The following PITPNC1 variants were observed in gnomAD, a reference collection of about 807,000 sequenced individuals.
PITPNC1 encodes phosphatidylinositol transfer protein cytoplasmic 1, also known as cytoplasmic phosphatidylinositol transfer protein 1.
Under a neutral mutation model 44.7 loss-of-function variants are expected in PITPNC1, and 18 were observed. The ratio of observed to expected loss-of-function variants is 0.40; its 90% CI spans 0.28 to 0.60. The LOEUF (loss-of-function observed/expected upper bound fraction) is 0.60. PITPNC1 is among the 20% of genes least tolerant of loss of function. The pLI, the probability that PITPNC1 is intolerant of heterozygous loss-of-function variation, is 0.39. For synonymous variants in PITPNC1, 141 were observed against 149.6 expected, an observed-to-expected ratio of 0.94 and a Z score of 0.42; for missense variants, 290 against 418.4, an observed-to-expected ratio of 0.69 and a Z score of 2.68.
chr17:67,607,579 G>A (rs373320020), intron 5 of PITPNC1, among the ~76,000 whole-genome samples: 1 of 152,182 alleles, frequency 6.6e-6, no homozygotes, highest in African/African-American at 2.4e-5. Flanking sequence ...TGTAAGAAGA[G>A]TGCAGTGATT....
chr17:67,637,350 G>A lies in PITPNC1; in HGVS notation c.462+5112G>A, dbSNP rs142985744. On this transcript the variant is annotated intron_variant, in intron 6 of 8. Coordinates refer to ENST00000581322, the MANE Select transcript of PITPNC1 (RefSeq NM_012417.4). ...CTTTTCTTCCCATCCATCTTTGTAA[G>A]TTGACGATGTCAGCGTCCTAAATAG... is the stretch of plus-strand genomic sequence containing the variant. Among the ~76,000 whole-genome samples, 601 of 151,946 alleles carry A rather than the reference G, an allele frequency of 4.0e-3. 4 individuals are homozygous for A. The highest frequency in any genetic ancestry group is 0.014 in the African/African-American group (564 of 41,408).
chr17:67,383,331 T>A (rs2037992382), intron 1 of PITPNC1, among the ~76,000 whole-genome samples: 1 of 152,150 alleles, frequency 6.6e-6, no homozygotes, highest in African/African-American at 2.4e-5. Context: ...TAGAACCAGG[T>A]CTGATTTAAG....
intron 1 of PITPNC1, among the ~76,000 whole-genome samples, chr17:67,488,124 G>T (rs534613173): frequency 1.3e-5 from 2 of 152,308 alleles, no homozygotes; most frequent in South Asian, 2.1e-4. Context: ...AAGATGAAAG[G>T]TAAGTCCCTC....
intron 4 of PITPNC1, among the ~76,000 whole-genome samples, chr17:67,561,978 T>G (rs2144190947): frequency 6.6e-6 from 1 of 152,350 alleles, no homozygotes; most frequent in South Asian, 2.1e-4. Flanking sequence ...CATTATAGTA[T>G]GTAGATATCA....
intron 1 of PITPNC1, among the ~76,000 whole-genome samples, chr17:67,486,104 C>T (rs1378127446): frequency 6.6e-6 from 1 of 152,116 alleles, no homozygotes; most frequent in Non-Finnish European, 1.5e-5. Flanking sequence ...TTAAATTCTG[C>T]TGCTAGAGGT....
At chr17:67,634,893 A>G (rs2042015566) in intron 6 of PITPNC1, among the ~76,000 whole-genome samples, 1 of 152,132 alleles carries the variant, frequency 6.6e-6, no homozygotes, top group Non-Finnish European at 1.5e-5. Flanking sequence ...ACTCTACTAA[A>G]AATATAAAAA....
At position 67,425,186 on chromosome 17, in the gene PITPNC1, T is replaced by TGCGCGCGCGCGCGC. The variant is rs1386197600; in HGVS notation, c.48+46992_48+46993insGCGCGCGCGCGCGC. On this transcript the variant is annotated intron_variant, in intron 1 of 8. Transcript: ENST00000581322. The stretch of plus-strand genomic sequence containing the variant: ...CCAGGTGAAATAAACAGCCATGTTG[T>TGCGCGCGCGCGCGC]GCGCGCGCACGCACACGCACACACA... 1.1e-3 allele frequency among the ~76,000 whole-genome samples: 64 copies of TGCGCGCGCGCGCGC among 55,702 alleles called. 4 individuals carry two copies. Among genetic ancestry groups the TGCGCGCGCGCGCGC allele is most frequent in the Admixed American group, 2.4e-3 (12 of 5,024 alleles). The allele number at this position is 55,702 out of a possible 152,430, so 36.5% of individuals were successfully genotyped here.
At chr17:67,544,317 G>A (rs772980521) in intron 2 of PITPNC1, among the ~76,000 whole-genome samples, 3 of 152,052 alleles carry the variant, frequency 2.0e-5, no homozygotes, top group African/African-American at 7.2e-5. Flanking sequence ...ACATATGAAG[G>A]TGGACTTTTC....
intron 1 of PITPNC1, among the ~76,000 whole-genome samples, chr17:67,478,226 C>G (rs2039657545): frequency 2.6e-5 from 4 of 152,186 alleles, no homozygotes; most frequent in Non-Finnish European, 5.9e-5. Flanking sequence ...CCCTGCTGGA[C>G]TTGAGTTTCA....
At chr17:67,590,041 T>C (rs779290209) in intron 5 of PITPNC1, among the ~76,000 whole-genome samples, 7 of 151,432 alleles carry the variant, frequency 4.6e-5, no homozygotes, top group African/African-American at 7.3e-5. Flanking sequence ...AATAATGAGA[T>C]TGGCTACCTA....
intron 6 of PITPNC1, among the ~76,000 whole-genome samples, chr17:67,632,770 G>T (rs1049112377): frequency 1.3e-5 from 2 of 151,960 alleles, no homozygotes; most frequent in Non-Finnish European, 2.9e-5. Context: ...GTTTCACCCT[G>T]TTGGCCAGGC....
intron 1 of PITPNC1, among the ~76,000 whole-genome samples, chr17:67,396,823 T>A (rs962986156): frequency 4.0e-5 from 6 of 149,014 alleles, no homozygotes; most frequent in African/African-American, 1.2e-4. Flanking sequence ...CTGGGCTAAT[T>A]AAAAAAAAAA....
intron 1 of PITPNC1, chr17:67,459,858 A>T (rs1598693352): frequency 1.3e-5 from 2 of 152,350 alleles, no homozygotes; most frequent in South Asian, 4.1e-4. Flanking sequence ...ACCCATGGTA[A>T]CTTCATTGGT....
At chr17:67,405,445 T>A (rs2038381371) in intron 1 of PITPNC1, among the ~76,000 whole-genome samples, 1 of 151,846 alleles carries the variant, frequency 6.6e-6, no homozygotes, top group Non-Finnish European at 1.5e-5. Flanking sequence ...TTTAATTTTG[T>A]GTTGATTGTG....
At chr17:67,585,181 A>C (rs1200657864) in intron 5 of PITPNC1, among the ~76,000 whole-genome samples, 1 of 151,832 alleles carries the variant, frequency 6.6e-6, no homozygotes, top group Non-Finnish European at 1.5e-5. Context: ...GGGGAAGCAG[A>C]TAATAGGCAA....
At chr17:67,550,827 C>T (rs1343966214) in intron 2 of PITPNC1, among the ~76,000 whole-genome samples, 3 of 152,056 alleles carry the variant, frequency 2.0e-5, no homozygotes, top group East Asian at 1.9e-4. Flanking sequence ...TTTTGGAGGC[C>T]GAGGCGGGTG....
intron 5 of PITPNC1, chr17:67,611,930 A>G (rs1353322459): frequency 1.3e-5 from 2 of 152,232 alleles, no homozygotes; most frequent in African/African-American, 2.4e-5. Flanking sequence ...CGAAAGTAAC[A>G]ACAGCGAAGA....
chr17:67,614,895 T>C (rs868290247), intron 5 of PITPNC1, among the ~76,000 whole-genome samples: 70 of 151,992 alleles, frequency 4.6e-4, no homozygotes, highest in African/African-American at 1.7e-3. Flanking sequence ...CCAGAATTGA[T>C]TCACGAGAGT....
chr17:67,387,651 G>A lies in PITPNC1; in HGVS notation c.48+9449G>A, dbSNP rs532055782. 1.4e-4 allele frequency among the ~76,000 whole-genome samples: 22 copies of A among 152,232 alleles called. No homozygotes were observed. In the South Asian group the frequency reaches 4.6e-3, roughly 32 times the overall value. ...TGCACTCCAGCCTGGCTGACAGAGC[G>A]AAACTCTGTCTCAAAATAAAATATA... On this transcript the variant is annotated intron_variant, in intron 1 of 8. Coordinates refer to ENST00000581322, the MANE Select transcript of PITPNC1 (RefSeq NM_012417.4).
Sources: allele counts gnomAD v4.1 joint callset (sites outside exome capture counted in the v4.1 genomes callset), GRCh38; gene constraint gnomAD v4.1.1; transcripts MANE v1.5; gene names NCBI Gene and HGNC (gene_info 2026-07-23, HGNC 2026-07-21).